EYA2: variants seen among roughly 807,000 people sequenced by gnomAD.
EYA2 encodes EYA transcriptional coactivator and phosphatase 2, also known as protein phosphatase EYA2.
Under a neutral mutation model 69.2 loss-of-function variants are expected in EYA2, and 31 were observed. That is an observed-to-expected ratio of 0.45 (90% CI 0.34 to 0.60). The LOEUF (loss-of-function observed/expected upper bound fraction) is 0.60. EYA2 is among the 20% of genes least tolerant of loss of function. EYA2 has a pLI of 0.02. For missense variants in EYA2, 622 were observed against 701.2 expected, an observed-to-expected ratio of 0.89 and a Z score of 1.28; for synonymous variants, 257 against 279.4, an observed-to-expected ratio of 0.92 and a Z score of 0.80.
chr20:46,986,421 A>ATATATAATATATAAATCTATATAATATC (rs1568705376), intron 1 of EYA2, among the ~76,000 whole-genome samples: 27 of 146,778 alleles, frequency 1.8e-4, no homozygotes, highest in African/African-American at 4.9e-4. Flanking sequence ...TAATATCTAT[A>ATATATAATATATAAATCTATATAATATC]TATATAATAT....
chr20:47,112,889 T>TTTTTTTTTTTTTG (rs1339901243), intron 9 of EYA2, among the ~76,000 whole-genome samples: 1 of 131,180 alleles, frequency 7.6e-6, no homozygotes, highest in Non-Finnish European at 1.6e-5. Context: ...TTTTTTTTTT[T>TTTTTTTTTTTTTG]GAGACGGAGT....
intron 5 of EYA2, among the ~76,000 whole-genome samples, chr20:47,046,982 G>C (rs58164086): frequency 5.9e-5 from 9 of 152,192 alleles, no homozygotes; most frequent in Non-Finnish European, 8.8e-5. Flanking sequence ...TATGATATCT[G>C]TCTCCCCTGG....
intron 9 of EYA2, among the ~76,000 whole-genome samples, chr20:47,141,496 G>A (rs932500264): frequency 6.6e-6 from 1 of 152,206 alleles, no homozygotes; most frequent in African/African-American, 2.4e-5. Flanking sequence ...GGAAACCATT[G>A]TGCTGCATAT....
intron 9 of EYA2, among the ~76,000 whole-genome samples, chr20:47,111,654 T>TG (rs2032749550): frequency 6.6e-6 from 1 of 152,196 alleles, no homozygotes; most frequent in Admixed American, 6.5e-5. Flanking sequence ...CACTGTACCC[T>TG]GGGGCTTAGA....
intron 5 of EYA2, among the ~76,000 whole-genome samples, chr20:47,018,288 G>C (rs574172829): frequency 1.1e-4 from 16 of 152,090 alleles, no homozygotes; most frequent in African/African-American, 3.9e-4. Flanking sequence ...AGTTATGTAG[G>C]AGAGGCCCCC....
chr20:46,978,661 T>C (rs1194177609), intron 1 of EYA2: 1 of 534,744 alleles, frequency 1.9e-6, no homozygotes, highest in Admixed American at 1.9e-5. Flanking sequence ...TTCAGATTTA[T>C]GCTGTCATTT....
chr20:47,165,587 C>G (rs2034165437), intron 10 of EYA2, among the ~76,000 whole-genome samples: 2 of 152,328 alleles, frequency 1.3e-5, no homozygotes, highest in South Asian at 2.1e-4. Context: ...AGGGTGCTGC[C>G]CGTGGGTCAC....
chr20:46,934,644 C>A (rs1985829411), intron 1 of EYA2, among the ~76,000 whole-genome samples: 1 of 152,078 alleles, frequency 6.6e-6, no homozygotes, highest in Non-Finnish European at 1.5e-5. Context: ...CAGGTACAGA[C>A]AACAGATGTC....
Position 47,089,367 on chromosome 20 carries a change from G to T in EYA2, c.790G>T (p.Asp264Tyr), listed in dbSNP as rs373050991. ...KRSSDPSPAGDNEIERVFVWD... is the reference protein window; with the variant it reads ...KRSSDPSPAGYNEIERVFVWD... ...GAGCAGTGACCCGTCCCCGGCAGGG[G>T]ACAATGAGATTGAGGTAATCCAAAG... The change falls in exon 8 of 16, where the codon GAC becomes TAC. Residue 264 changes from aspartate (D) to tyrosine (Y), a missense_variant. Around this residue, in one of 2 missense-constraint regions of EYA2, gnomAD observed 365 missense variants for 349.7 expected, o/e 1.04. Transcript: ENST00000327619. The T allele has an allele frequency of 3.1e-6, 5 of 1,613,638 alleles. No individual in the cohort carries two copies. The Admixed American group carries it at 6.7e-5, about 22-fold the overall frequency.
intron 7 of EYA2, among the ~76,000 whole-genome samples, chr20:47,077,394 T>A (rs1244728159): frequency 6.6e-6 from 1 of 152,206 alleles, no homozygotes; most frequent in African/African-American, 2.4e-5. Flanking sequence ...ATGGCAGCAA[T>A]ACGTTAGAAT....
At chr20:46,983,253 T>C (rs993022075) in intron 1 of EYA2, among the ~76,000 whole-genome samples, 13 of 152,238 alleles carry the variant, frequency 8.5e-5, no homozygotes, top group African/African-American at 2.9e-4. Flanking sequence ...TTTTGTCTTT[T>C]TGCATGCCTG....
chr20:47,143,720 T>G (rs1014799388), intron 10 of EYA2, among the ~76,000 whole-genome samples: 4 of 152,160 alleles, frequency 2.6e-5, no homozygotes, highest in Admixed American at 2.6e-4. Flanking sequence ...TTGAATTCAT[T>G]TGTTTATACC....
rs945452771 is a variant in EYA2 at position 47,074,417 on chromosome 20, T to C, written c.661+82T>C. 1.1e-5 allele frequency: 16 copies of C among 1,432,664 alleles called. No homozygotes were observed. The East Asian group carries it at 3.2e-4, about 29-fold the overall frequency. The allele number at this position is 1,432,664 out of a possible 1,614,324, so 88.7% of individuals were successfully genotyped here. ...GGAGGGACCCGCACATGGGTCCCAA[T>C]TGTAACAAACAGGTTACCCAAGGGT... On this transcript the variant is annotated intron_variant, in intron 7 of 15. Coordinates refer to ENST00000327619, the MANE Select transcript of EYA2 (RefSeq NM_005244.5).
intron 5 of EYA2, among the ~76,000 whole-genome samples, chr20:47,044,522 G>T (rs146711986): frequency 1.3e-5 from 2 of 152,258 alleles, no homozygotes; most frequent in African/African-American, 4.8e-5. Flanking sequence ...TCTTTCGGGG[G>T]GGTGGGGGCA....
At chr20:46,998,064 C>G in intron 2 of EYA2, 1 of 153,276 alleles carries the variant, frequency 6.5e-6, no homozygotes, top group Non-Finnish European at 1.5e-5. Context: ...GCCCATCTGG[C>G]AAGCTGTGGT....
intron 1 of EYA2, among the ~76,000 whole-genome samples, chr20:46,931,824 A>G (rs977156263): frequency 6.6e-6 from 1 of 152,106 alleles, no homozygotes; most frequent in Non-Finnish European, 1.5e-5. Context: ...TTGAGCGTCC[A>G]GAGGAGAAGC....
At chr20:47,186,888 A>G (rs2034653733) in intron 15 of EYA2, among the ~76,000 whole-genome samples, 1 of 152,124 alleles carries the variant, frequency 6.6e-6, no homozygotes, top group African/African-American at 2.4e-5. Flanking sequence ...ACATGCACAT[A>G]TATATACAAT....
At chr20:47,096,837 G>A (rs1020340857) in intron 8 of EYA2, among the ~76,000 whole-genome samples, 10 of 152,186 alleles carry the variant, frequency 6.6e-5, no homozygotes, top group African/African-American at 2.2e-4. Flanking sequence ...TATATGGAAG[G>A]CAAGGACAGA....
chr20:47,080,113 T>G (rs1297330791), intron 7 of EYA2, among the ~76,000 whole-genome samples: 1 of 152,152 alleles, frequency 6.6e-6, no homozygotes, highest in Admixed American at 6.5e-5. Flanking sequence ...TTCAGTACCT[T>G]TAAAAGAATC....
Sources: gnomAD v4.1 joint callset for allele counts (sites outside exome capture counted in the v4.1 genomes callset) on GRCh38, gnomAD v4.1.1 for gene constraint, gnomAD v4.1.1 regional missense constraint, MANE v1.5 for transcripts, NCBI Gene and HGNC (gene_info 2026-07-23, HGNC 2026-07-21) for gene names.